The following CATSPERB variants were observed in gnomAD, a reference collection of about 807,000 sequenced individuals.
The protein encoded by CATSPERB is cation channel sperm-associated auxiliary subunit beta.
In CATSPERB, 93 loss-of-function variants were observed where a neutral mutation model predicts 128.3. That is an observed-to-expected ratio of 0.72 (90% CI 0.61 to 0.86). The LOEUF (loss-of-function observed/expected upper bound fraction) is 0.86. Ranked by LOEUF, CATSPERB falls within the 40% of genes least tolerant of loss-of-function variation. The pLI, the probability that CATSPERB is intolerant of heterozygous loss-of-function variation, is 0.00. For synonymous variants in CATSPERB, 381 were observed against 448.8 expected (o/e 0.85, Z 1.91); for missense variants, 1,153 against 1,329.5 (o/e 0.87, Z 2.06).
In CATSPERB at chr14:91,639,107, G is replaced by C. The variant is rs1238438558; in HGVS notation, c.1576C>G (p.Leu526Val). The C allele has an allele frequency of 6.2e-7, 1 of 1,613,876 alleles. No individual in the cohort carries two copies. The highest frequency in any genetic ancestry group is 8.5e-7 in the Non-Finnish European group (1 of 1,179,938). ...PPTAFGNSRN[L>V]FGQPPDMGFE... The stretch of plus-strand genomic sequence containing the variant: ...CATTATATACTGACCTGTCCAAAAA[G>C]ATTTCTAGAATTTCCAAAGGCTGTG... Residue 526 changes from leucine to valine, a missense_variant, in exon 16 of 27, where the codon CTT (leucine) becomes GTT (valine). By Grantham distance (32) the Leu-to-Val change is conservative. Transcript: ENST00000256343.
intron 7 of CATSPERB, among the ~76,000 whole-genome samples, chr14:91,704,190 A>C (rs944656314): frequency 5.3e-5 from 8 of 152,240 alleles, no homozygotes; most frequent in African/African-American, 1.9e-4. Context: ...GTAATGAAAA[A>C]AATGCAAACA....
chr14:91,701,961 G>A (rs1467439071), intron 7 of CATSPERB, among the ~76,000 whole-genome samples: 9 of 151,896 alleles, frequency 5.9e-5, no homozygotes. Flanking sequence ...TTGATACTGT[G>A]AGAACTTCCT....
intron 7 of CATSPERB, among the ~76,000 whole-genome samples, chr14:91,699,747 T>C (rs1595184088): frequency 6.6e-6 from 1 of 151,950 alleles, no homozygotes; most frequent in Admixed American, 6.6e-5. Flanking sequence ...CTAATTTTTG[T>C]ATTTTAGTAG....
intron 22 of CATSPERB, among the ~76,000 whole-genome samples, chr14:91,594,033 G>C (rs909583089): frequency 6.6e-6 from 1 of 152,118 alleles, no homozygotes; most frequent in Non-Finnish European, 1.5e-5. Context: ...CATGTAAGAA[G>C]TGCCTTTTGC....
intron 20 of CATSPERB, among the ~76,000 whole-genome samples, chr14:91,614,179 G>T (rs1045417024): frequency 2.6e-5 from 4 of 152,130 alleles, no homozygotes; most frequent in African/African-American, 9.7e-5. Flanking sequence ...ATGTGAAGTA[G>T]GTATATTGTC....
chr14:91,587,671 G>A (rs1253327082), intron 25 of CATSPERB, among the ~76,000 whole-genome samples: 4 of 151,884 alleles, frequency 2.6e-5, no homozygotes, highest in Admixed American at 2.6e-4. Context: ...ACCAGAAGAT[G>A]TGCTCGTCCA....
intron 17 of CATSPERB, among the ~76,000 whole-genome samples, chr14:91,626,486 G>A (rs1894164950): frequency 2.6e-5 from 4 of 151,282 alleles, no homozygotes; most frequent in Non-Finnish European, 4.4e-5. Flanking sequence ...AGATCATGAG[G>A]CTTTGCCCTC....
chr14:91,697,517 C>T (rs548422900), intron 7 of CATSPERB, among the ~76,000 whole-genome samples: 10 of 152,264 alleles, frequency 6.6e-5, no homozygotes, highest in African/African-American at 2.4e-4. Flanking sequence ...AGAGTTTAAT[C>T]ATTTACATCT....
At chr14:91,676,248 G>A (rs953492262) in intron 11 of CATSPERB, among the ~76,000 whole-genome samples, 1 of 152,088 alleles carries the variant, frequency 6.6e-6, no homozygotes, top group Non-Finnish European at 1.5e-5. Context: ...AACACTGGTT[G>A]TGTAAAATAA....
chr14:91,707,991 T>G (rs542974079), intron 6 of CATSPERB, 150 bp downstream of exon 6: 1 of 631,600 alleles, frequency 1.6e-6, no homozygotes, highest in East Asian at 2.9e-5. Context: ...CCTATCAGAT[T>G]GTGAGTGCCT....
intron 22 of CATSPERB, among the ~76,000 whole-genome samples, chr14:91,595,245 T>C (rs963723870): frequency 1.3e-5 from 2 of 151,966 alleles, no homozygotes; most frequent in African/African-American, 2.4e-5. Context: ...GGCTTTTAAA[T>C]TGACTTTGAT....
At chr14:91,674,557 G>A (rs1038386830) in intron 11 of CATSPERB, among the ~76,000 whole-genome samples, 2 of 152,042 alleles carry the variant, frequency 1.3e-5, no homozygotes, top group Admixed American at 1.3e-4. Flanking sequence ...AGTTGTAACT[G>A]AGTAGCTTAG....
At chr14:91,645,490 G>T (rs1204501399) in intron 15 of CATSPERB, among the ~76,000 whole-genome samples, 1,437 of 53,172 alleles carry the variant, frequency 0.027, no homozygotes, top group East Asian at 0.037. Context: ...GTGTGCCCCT[G>T]CTGGGGGGTG....
Position 91,587,860 on chromosome 14 carries a change from A to G in CATSPERB, c.3057+118T>C, listed in dbSNP as rs2139756971. 3 of 692,060 alleles carry G rather than the reference A, an allele frequency of 4.3e-6. No homozygotes were observed. In the South Asian group the frequency reaches 5.0e-5, roughly 12 times the overall value. 42.9% of individuals were successfully genotyped at this position (692,060 alleles called of 1,614,324 possible). Reference sequence around the variant, plus strand: ...CATATACTTTAAAGGTATATACTTTAAAGATGTTATTCCCACCATTCCTGG... The same window carrying G: ...CATATACTTTAAAGGTATATACTTTGAAGATGTTATTCCCACCATTCCTGG... On this transcript the variant is annotated intron_variant, in intron 25 of 26. Coordinates refer to ENST00000256343, the MANE Select transcript of CATSPERB (RefSeq NM_024764.4).
intron 19 of CATSPERB, among the ~76,000 whole-genome samples, chr14:91,619,861 T>A (rs1392993872): frequency 2.9e-5 from 4 of 139,034 alleles, no homozygotes; most frequent in African/African-American, 1.1e-4. Flanking sequence ...TGTAATAAAA[T>A]TGTGTGTGTG....
At chr14:91,660,296 C>T (rs990114073) in intron 14 of CATSPERB, among the ~76,000 whole-genome samples, 5 of 152,134 alleles carry the variant, frequency 3.3e-5, no homozygotes, top group Non-Finnish European at 5.9e-5. Context: ...CAAATAATTC[C>T]GTGTTCATAA....
chr14:91,713,449 A>T (rs1011681196), intron 5 of CATSPERB, among the ~76,000 whole-genome samples: 2 of 152,180 alleles, frequency 1.3e-5, no homozygotes, highest in African/African-American at 2.4e-5. Flanking sequence ...CTAATAATTT[A>T]AAAAATACAA....
At chr14:91,582,923 AG>A (rs756419094) in intron 26 of CATSPERB, among the ~76,000 whole-genome samples, 7 of 152,236 alleles carry the variant, frequency 4.6e-5, no homozygotes, top group African/African-American at 1.7e-4. Flanking sequence ...ACAAGTGGGC[AG>A]GGTGCCTCCA....
intron 20 of CATSPERB, among the ~76,000 whole-genome samples, chr14:91,614,523 A>T (rs1184307324): frequency 6.6e-6 from 1 of 150,892 alleles, no homozygotes; most frequent in Non-Finnish European, 1.5e-5. Flanking sequence ...ATTAGCCAGG[A>T]ATGGTGGGCC....
Sources: allele counts gnomAD v4.1 joint callset (sites outside exome capture counted in the v4.1 genomes callset), GRCh38; gene constraint gnomAD v4.1.1; transcripts MANE v1.5; gene names NCBI Gene and HGNC (gene_info 2026-07-23, HGNC 2026-07-21).